SSH2: variants seen among roughly 807,000 people sequenced by gnomAD.
The protein encoded by SSH2 is protein phosphatase Slingshot homolog 2.
In SSH2, 37 loss-of-function variants were observed where a neutral mutation model predicts 135.2. That is an observed-to-expected ratio of 0.27 (90% CI 0.21 to 0.36). The LOEUF (loss-of-function observed/expected upper bound fraction) is 0.36, where lower values mean the gene tolerates loss of function less well. SSH2 is among the 10% of genes least tolerant of loss of function. The pLI is 1.00. For synonymous variants in SSH2, 628 were observed against 646.2 expected, an observed-to-expected ratio of 0.97 and a Z score of 0.43; for missense variants, 1,408 against 1,765.3, an observed-to-expected ratio of 0.80 and a Z score of 3.63.
intron 3 of SSH2, among the ~76,000 whole-genome samples, chr17:29,733,119 A>G (rs1013577560): frequency 6.6e-6 from 1 of 152,238 alleles, no homozygotes; most frequent in Non-Finnish European, 1.5e-5. Flanking sequence ...TTTAGTTGAC[A>G]GCTTCCTGGA....
intron 3 of SSH2, among the ~76,000 whole-genome samples, chr17:29,790,426 C>A (rs1194227771): frequency 1.3e-5 from 2 of 152,156 alleles, no homozygotes; most frequent in East Asian, 3.9e-4. Context: ...TTCCCAGCCT[C>A]CAGGACTGTG....
chr17:29,920,346 A>G (rs2066955006), intron 1 of SSH2, among the ~76,000 whole-genome samples: 1 of 152,234 alleles, frequency 6.6e-6, no homozygotes, highest in Non-Finnish European at 1.5e-5. Context: ...TTGAGGACCA[A>G]AGGCCTTCTC....
chr17:29,834,796 T>C (rs1312786005), intron 2 of SSH2, among the ~76,000 whole-genome samples: 1 of 152,188 alleles, frequency 6.6e-6, no homozygotes, highest in East Asian at 1.9e-4. Context: ...ATTCATTTAA[T>C]ATTAATTATA....
At chr17:29,841,892 A>ATTTTTTTTTTTTTTTT (rs770836134) in intron 2 of SSH2, among the ~76,000 whole-genome samples, 2 of 99,646 alleles carry the variant, frequency 2.0e-5, no homozygotes, top group African/African-American at 7.8e-5. Context: ...CCCTTGGCTA[A>ATTTTTTTTTTTTTTTT]TTTTTTTTTT....
intron 1 of SSH2, among the ~76,000 whole-genome samples, chr17:29,874,013 C>T (rs2065984067): frequency 6.6e-6 from 1 of 152,108 alleles, no homozygotes; most frequent in East Asian, 1.9e-4. Context: ...GGTTTTCAGG[C>T]TGGGCGCAGC....
chr17:29,705,874 T>C (rs2039179030), intron 3 of SSH2, among the ~76,000 whole-genome samples: 1 of 151,918 alleles, frequency 6.6e-6, no homozygotes, highest in African/African-American at 2.4e-5. Flanking sequence ...TGTTGTTCTG[T>C]TTTGTTTCCT....
chr17:29,918,232 A>C (rs1440663186), intron 1 of SSH2, among the ~76,000 whole-genome samples: 1 of 152,178 alleles, frequency 6.6e-6, no homozygotes, highest in Non-Finnish European at 1.5e-5. Flanking sequence ...GACACTGAGA[A>C]GGTAACACCT....
At chr17:29,709,401 G>A (rs1381845526) in intron 3 of SSH2, among the ~76,000 whole-genome samples, 2 of 152,210 alleles carry the variant, frequency 1.3e-5, no homozygotes, top group East Asian at 3.9e-4. Flanking sequence ...CAGGGGCTGA[G>A]TGTGGTGGCT....
intron 3 of SSH2, chr17:29,760,967 A>C: frequency 2.1e-6 from 1 of 471,810 alleles, no homozygotes; most frequent in Non-Finnish European, 3.4e-6. Context: ...TTCCGCCTCC[A>C]TGAATCCCCC....
At chr17:29,899,085 A>G (rs1203843789) in intron 1 of SSH2, among the ~76,000 whole-genome samples, 1 of 152,162 alleles carries the variant, frequency 6.6e-6, no homozygotes, top group Non-Finnish European at 1.5e-5. Flanking sequence ...AACAACCTTC[A>G]TGCTAAAAAC....
At chr17:29,846,674 C>T (rs1049873407) in intron 2 of SSH2, among the ~76,000 whole-genome samples, 3 of 152,150 alleles carry the variant, frequency 2.0e-5, no homozygotes, top group Non-Finnish European at 2.9e-5. Context: ...TAAATAAATA[C>T]GTGAATGAGG....
chr17:29,903,228 A>G (rs2066593101), intron 1 of SSH2, among the ~76,000 whole-genome samples: 1 of 148,196 alleles, frequency 6.7e-6, no homozygotes, highest in South Asian at 2.1e-4. Flanking sequence ...GTGTATATAT[A>G]TTTATATATT....
At chr17:29,664,067 T>C (rs1385053759) in intron 11 of SSH2, among the ~76,000 whole-genome samples, 1 of 152,198 alleles carries the variant, frequency 6.6e-6, no homozygotes, top group Non-Finnish European at 1.5e-5. Context: ...AAAATATATA[T>C]GTACATCTAT....
chr17:29,844,608 C>A (rs1337465656), intron 2 of SSH2, among the ~76,000 whole-genome samples: 1 of 152,244 alleles, frequency 6.6e-6, no homozygotes, highest in East Asian at 1.9e-4. Flanking sequence ...GAAACTCCTG[C>A]AGCTAAAGCC....
chr17:29,799,507 G>T (rs2042213959), intron 2 of SSH2, among the ~76,000 whole-genome samples: 1 of 152,106 alleles, frequency 6.6e-6, no homozygotes, highest in African/African-American at 2.4e-5. Flanking sequence ...AATTTGCTTT[G>T]TCTTGAGATT....
At chr17:29,908,360 A>T (rs1326150952) in intron 1 of SSH2, among the ~76,000 whole-genome samples, 1 of 152,058 alleles carries the variant, frequency 6.6e-6, no homozygotes, top group African/African-American at 2.4e-5. Context: ...CAGGAGGCTG[A>T]CGTAGGAGGA....
At chr17:29,897,573 G>C (rs908946186) in intron 1 of SSH2, among the ~76,000 whole-genome samples, 6 of 152,144 alleles carry the variant, frequency 3.9e-5, no homozygotes, top group African/African-American at 1.2e-4. Context: ...AACAAGAAGA[G>C]CTAACTATCC....
intron 1 of SSH2, among the ~76,000 whole-genome samples, chr17:29,924,364 A>G (rs2067027246): frequency 2.0e-5 from 3 of 152,254 alleles, no homozygotes. Context: ...ATGTATATGT[A>G]AATTGATTTA....
chr17:29,868,290 A>G (rs2065885718), intron 1 of SSH2, among the ~76,000 whole-genome samples: 1 of 152,134 alleles, frequency 6.6e-6, no homozygotes, highest in African/African-American at 2.4e-5. Flanking sequence ...TTGAATCCAT[A>G]AAATTGTTAA....
Sources: gnomAD v4.1 joint callset for allele counts (sites outside exome capture counted in the v4.1 genomes callset) on GRCh38, gnomAD v4.1.1 for gene constraint, MANE v1.5 for transcripts, NCBI Gene and HGNC (gene_info 2026-07-23, HGNC 2026-07-21) for gene names.